The following UTRN variants were observed in gnomAD, a reference collection of about 807,000 sequenced individuals.
The protein encoded by UTRN is dystrophin-related protein 1.
In UTRN, 283 loss-of-function variants were observed where a neutral mutation model predicts 463.9. That is an observed-to-expected ratio of 0.61 (90% CI 0.55 to 0.67). The LOEUF is 0.67. Among genes scored for constraint, UTRN ranks in the 30% least tolerant of loss-of-function variants. The pLI, the probability that UTRN is intolerant of heterozygous loss-of-function variation, is 0.00. For synonymous variants in UTRN, 1,442 were observed against 1,431.5 expected, an observed-to-expected ratio of 1.01 and a Z score of -0.17; for missense variants, 3,922 against 4,084.3, an observed-to-expected ratio of 0.96 and a Z score of 1.08.
chr6:144,545,007 T>A (rs1038849456), intron 46 of UTRN, among the ~76,000 whole-genome samples: 2 of 152,188 alleles, frequency 1.3e-5, no homozygotes, highest in Non-Finnish European at 2.9e-5. Context: ...CTAAATTCTC[T>A]TTTCTACCTA....
chr6:144,513,283 T>TGGC lies in UTRN; in HGVS notation c.4945-624_4945-622dup, dbSNP rs1458941275. ...TTTTAAAAATATGGGCCAGGTGTGGTGGCGCACACCTGTAATCCCAGCACT... is the reference window on the plus strand; with the variant it reads ...TTTTAAAAATATGGGCCAGGTGTGGTGGCGGCGCACACCTGTAATCCCAGCACT... On this transcript the variant is annotated intron_variant, in intron 35 of 74. Transcript: ENST00000367545. Among the ~76,000 whole-genome samples, 3 of 152,338 alleles carry TGGC rather than the reference T, an allele frequency of 2.0e-5. No individual in the cohort carries two copies. In the East Asian group the frequency reaches 5.8e-4, roughly 29 times the overall value.
chr6:144,542,763 T>C, intron 45 of UTRN, 32 bp from the exon 46 acceptor site: 2 of 1,597,162 alleles, frequency 1.3e-6, no homozygotes, highest in Non-Finnish European at 1.7e-6. Context: ...TTACGTAGTA[T>C]TCTTCTCTTT....
intron 25 of UTRN, among the ~76,000 whole-genome samples, chr6:144,476,201 G>A (rs933584586): frequency 1.3e-5 from 2 of 150,850 alleles, no homozygotes; most frequent in East Asian, 2.0e-4. Flanking sequence ...CAATCCTCCT[G>A]CCTCAGCCTC....
At chr6:144,681,276 C>G (rs918704871) in intron 52 of UTRN, among the ~76,000 whole-genome samples, 2 of 152,000 alleles carry the variant, frequency 1.3e-5, no homozygotes, top group African/African-American at 2.4e-5. Context: ...GGCAGGTAAC[C>G]ATTGTGAGTT....
At chr6:144,466,157 G>C (rs189919523) in intron 23 of UTRN, among the ~76,000 whole-genome samples, 1 of 152,352 alleles carries the variant, frequency 6.6e-6, no homozygotes, top group East Asian at 1.9e-4. Flanking sequence ...TTGGAACTCT[G>C]TGAAGGACAT....
intron 58 of UTRN, among the ~76,000 whole-genome samples, chr6:144,763,562 C>T (rs558875887): frequency 5.3e-5 from 8 of 152,114 alleles, no homozygotes; most frequent in East Asian, 1.9e-4. Context: ...CTACATATAC[C>T]GTCTAGAGGA....
intron 39 of UTRN, 123 bp downstream of exon 39, chr6:144,517,071 C>A: frequency 1.2e-6 from 1 of 849,678 alleles, no homozygotes; most frequent in Non-Finnish European, 1.6e-6. Context: ...CTCCTCCTTT[C>A]TAGTGTGTGT....
chr6:144,612,154 A>G (rs7754789), intron 51 of UTRN, among the ~76,000 whole-genome samples: 81,812 of 151,934 alleles, frequency 0.54, 23,978 homozygotes, highest in East Asian at 0.85. Context: ...ATTATGTTGG[A>G]AAAACTGGAT....
chr6:144,673,702 C>T lies in UTRN; in HGVS notation c.7480-4704C>T, dbSNP rs551207347. 7.2e-5 allele frequency among the ~76,000 whole-genome samples: 11 copies of T among 151,956 alleles called. No homozygotes were observed. The South Asian group carries it at 2.1e-3, about 29-fold the overall frequency. On this transcript the variant is annotated intron_variant, in intron 51 of 74. Transcript: ENST00000367545. ...CCTTATGCTGGTTGCTGCCTGAATA[C>T]CCTTTTTTAAAAAATTGTGTTGTTG...
At chr6:144,742,473 A>AG (rs1414646760) in intron 54 of UTRN, among the ~76,000 whole-genome samples, 1 of 152,160 alleles carries the variant, frequency 6.6e-6, no homozygotes. Flanking sequence ...TTTGGTCATG[A>AG]GGAAAGAGAG....
At chr6:144,464,544 AG>A (rs1397144845) in intron 23 of UTRN, among the ~76,000 whole-genome samples, 1 of 151,482 alleles carries the variant, frequency 6.6e-6, no homozygotes, top group Non-Finnish European at 1.5e-5. Flanking sequence ...CTGTTGCCCC[AG>A]GCTGGAGTGC....
intron 42 of UTRN, among the ~76,000 whole-genome samples, chr6:144,532,341 C>T (rs904519817): frequency 1.3e-5 from 2 of 152,126 alleles, no homozygotes; most frequent in Non-Finnish European, 2.9e-5. Context: ...TTAATTGACT[C>T]ATAGTTCAGC....
intron 3 of UTRN, among the ~76,000 whole-genome samples, chr6:144,412,762 T>TACACACAC (rs149751810): frequency 0.017 from 2,445 of 144,326 alleles, 87 homozygotes; most frequent in African/African-American, 0.061. Context: ...ACACACACCA[T>TACACACAC]ACACACACAC....
intron 14 of UTRN, 77 bp downstream of exon 14, chr6:144,444,459 G>T: frequency 2.7e-6 from 3 of 1,104,104 alleles, no homozygotes; most frequent in South Asian, 1.8e-5. Flanking sequence ...TTAGAATAAA[G>T]TTGCCTTGTT....
chr6:144,330,456 A>G (rs1458982603), intron 2 of UTRN, among the ~76,000 whole-genome samples: 2 of 152,210 alleles, frequency 1.3e-5, no homozygotes, highest in East Asian at 1.9e-4. Flanking sequence ...TATAAAATTG[A>G]TGAGAACAAG....
intron 23 of UTRN, among the ~76,000 whole-genome samples, chr6:144,471,316 G>A (rs907375000): frequency 2.0e-5 from 3 of 152,142 alleles, no homozygotes; most frequent in African/African-American, 7.2e-5. Context: ...AAAGCCAATT[G>A]TGGTTAAAAC....
In UTRN at chr6:144,291,823, G is replaced by C; in HGVS notation, c.-6G>C. The C allele has an allele frequency of 6.2e-7, 1 of 1,610,230 alleles. No individual in the cohort carries two copies. Among genetic ancestry groups the C allele is most frequent in the Non-Finnish European group, 8.5e-7 (1 of 1,178,710 alleles). On this transcript the variant is annotated 5_prime_UTR_variant, in exon 2 of 75. Transcript: ENST00000367545. ...AGTTTTTGGATTATCTTGAAACTCTGGCAAGATGGCCAAGTATGGAGAACA... is the reference window on the plus strand; with the variant it reads ...AGTTTTTGGATTATCTTGAAACTCTCGCAAGATGGCCAAGTATGGAGAACA...
intron 51 of UTRN, among the ~76,000 whole-genome samples, chr6:144,629,582 G>A (rs1334624297): frequency 6.6e-6 from 1 of 152,192 alleles, no homozygotes; most frequent in African/African-American, 2.4e-5. Context: ...TGTCCAGCAA[G>A]GAAGCAGGGA....
chr6:144,334,321 G>T lies in UTRN; in HGVS notation c.79+42414G>T, dbSNP rs189330978. Among the ~76,000 whole-genome samples, 153 of 151,242 alleles carry T rather than the reference G, an allele frequency of 1.0e-3. 4 individuals carry two copies. The East Asian group carries it at 0.026, about 26-fold the overall frequency. On this transcript the variant is annotated intron_variant, in intron 2 of 74. Coordinates refer to ENST00000367545, the MANE Select transcript of UTRN (RefSeq NM_007124.3). ...CCTCTTTCCGGTGTGTGTTTGGGGGGGGTGGGGGTGGTGAGGCAGGGTGGG... is the reference window on the plus strand; with the variant it reads ...CCTCTTTCCGGTGTGTGTTTGGGGGTGGTGGGGGTGGTGAGGCAGGGTGGG...
Sources: gnomAD v4.1 joint callset for allele counts (sites outside exome capture counted in the v4.1 genomes callset) on GRCh38, gnomAD v4.1.1 for gene constraint, MANE v1.5 for transcripts, NCBI Gene and HGNC (gene_info 2026-07-23, HGNC 2026-07-21) for gene names.